Variants in PHF14 observed in about 807,000 individuals in gnomAD.
PHF14 encodes the protein PHD finger protein 14.
PHF14 carries 55 observed loss-of-function variants against 117.9 expected under a neutral mutation model. The ratio of observed to expected loss-of-function variants is 0.47; its 90% CI spans 0.38 to 0.58. The LOEUF is 0.58. Among genes scored for constraint, PHF14 ranks in the 20% least tolerant of loss-of-function variants. The pLI, the probability that PHF14 is intolerant of heterozygous loss-of-function variation, is 0.00. For missense variants in PHF14, 978 were observed against 1,122.2 expected (o/e 0.87, Z 1.84); for synonymous variants, 409 against 368.6 (o/e 1.11, Z -1.26).
At chr7:11,127,788 A>T (rs1002708590) in intron 17 of PHF14, among the ~76,000 whole-genome samples, 4 of 152,158 alleles carry the variant, frequency 2.6e-5, no homozygotes, top group African/African-American at 7.2e-5. Context: ...ATCAGTGCAT[A>T]TCTTTAAAAA....
chr7:10,989,354 A>G (rs1325130106), intron 3 of PHF14, among the ~76,000 whole-genome samples: 1 of 152,074 alleles, frequency 6.6e-6, no homozygotes, highest in African/African-American at 2.4e-5. Context: ...AATATAAAAA[A>G]TAATAAAACA....
intron 5 of PHF14, among the ~76,000 whole-genome samples, chr7:11,021,722 G>A (rs2128318406): frequency 6.6e-6 from 1 of 152,182 alleles, no homozygotes; most frequent in Non-Finnish European, 1.5e-5. Flanking sequence ...GAACTCCATA[G>A]GATGTATTTG....
At chr7:11,104,396 C>G in intron 16 of PHF14, 1 of 957,180 alleles carries the variant, frequency 1.0e-6, no homozygotes, top group Non-Finnish European at 1.2e-6. Flanking sequence ...CTAATAATCT[C>G]TTAAATGCTC....
At chr7:11,033,481 A>T (rs1251295427) in intron 7 of PHF14, among the ~76,000 whole-genome samples, 1 of 152,188 alleles carries the variant, frequency 6.6e-6, no homozygotes, top group Non-Finnish European at 1.5e-5. Context: ...TGGGCATTTC[A>T]TACAACTTAT....
At chr7:10,981,030 T>C (rs994171076) in intron 2 of PHF14, among the ~76,000 whole-genome samples, 14 of 152,170 alleles carry the variant, frequency 9.2e-5, no homozygotes, top group African/African-American at 3.4e-4. Context: ...TCAGTCAGTA[T>C]CTGTTAAATG....
At chr7:11,067,930 T>A (rs1396081324) in intron 16 of PHF14, among the ~76,000 whole-genome samples, 4 of 152,154 alleles carry the variant, frequency 2.6e-5, no homozygotes, top group Non-Finnish European at 5.9e-5. Flanking sequence ...GGATTCATCT[T>A]CATGACGTAA....
At chr7:11,076,878 GT>G (rs111330414) in intron 16 of PHF14, among the ~76,000 whole-genome samples, 11,857 of 135,200 alleles carry the variant, frequency 0.088, 472 homozygotes, top group African/African-American at 0.1. Context: ...TTCAAATATG[GT>G]TTTTTTTTTT....
intron 17 of PHF14, among the ~76,000 whole-genome samples, chr7:11,139,749 G>A (rs1788346787): frequency 2.0e-5 from 3 of 152,096 alleles, no homozygotes; most frequent in Admixed American, 1.3e-4. Flanking sequence ...GAAAATATAA[G>A]ACAGATAACT....
In PHF14 at chr7:11,022,948, C is replaced by T. The variant is rs1054158277; in HGVS notation, c.1286C>T (p.Thr429Met). The T allele has an allele frequency of 1.2e-6, 2 of 1,605,678 alleles. No individual in the cohort carries two copies. Among genetic ancestry groups the T allele is most frequent in the Admixed American group, 1.7e-5 (1 of 59,604 alleles). The change falls in exon 6 of 18, where the codon ACG (threonine) becomes ATG (methionine). Residue 429 changes from threonine to methionine, a missense_variant. This residue lies in a region of PHF14 where 86 missense variants were observed against 137.8 expected (regional missense o/e 0.62). Coordinates refer to ENST00000634607, the MANE Select transcript of PHF14 (RefSeq NM_001007157.2). ...GACAAATTACGACCAGTAACACTAACGGAAATGAACTATTCCAAATATGGT... is the reference window on the plus strand; with the variant it reads ...GACAAATTACGACCAGTAACACTAATGGAAATGAACTATTCCAAATATGGT... ...DIDKLRPVTL[T>M]EMNYSKYGAK...
chr7:11,090,335 A>T (rs1786595485), intron 16 of PHF14, among the ~76,000 whole-genome samples: 1 of 152,224 alleles, frequency 6.6e-6, no homozygotes, highest in Non-Finnish European at 1.5e-5. Flanking sequence ...CTACACAAGG[A>T]AGACAGGCCT....
intron 16 of PHF14, among the ~76,000 whole-genome samples, chr7:11,083,042 CCTCT>C (rs2128336737): frequency 6.6e-6 from 1 of 152,280 alleles, no homozygotes; most frequent in Admixed American, 6.5e-5. Flanking sequence ...CCCCCTCTCC[CCTCT>C]CTCCCTTATG....
intron 12 of PHF14, among the ~76,000 whole-genome samples, chr7:11,042,440 G>A (rs1009341649): frequency 1.3e-5 from 2 of 151,892 alleles, no homozygotes; most frequent in Non-Finnish European, 2.9e-5. Flanking sequence ...TAGAAGGTTT[G>A]ACTCTAGTAG....
chr7:11,023,698 C>T (rs771375171), intron 6 of PHF14, among the ~76,000 whole-genome samples: 11 of 152,188 alleles, frequency 7.2e-5, no homozygotes, highest in African/African-American at 1.7e-4. Flanking sequence ...CGTGGTGGCG[C>T]GTGCCTGTAA....
intron 17 of PHF14, among the ~76,000 whole-genome samples, chr7:11,113,262 A>G (rs1369819304): frequency 6.6e-6 from 1 of 152,130 alleles, no homozygotes; most frequent in African/African-American, 2.4e-5. Flanking sequence ...TTGAAAAGGC[A>G]AGGGGGCATA....
intron 3 of PHF14, among the ~76,000 whole-genome samples, chr7:10,990,190 A>G (rs557086974): frequency 1.3e-5 from 2 of 152,214 alleles, no homozygotes; most frequent in South Asian, 4.1e-4. Flanking sequence ...TAAGTGTGCC[A>G]TCACATACAT....
chr7:10,995,421 T>A (rs1320891388), intron 4 of PHF14, among the ~76,000 whole-genome samples: 1 of 152,198 alleles, frequency 6.6e-6, no homozygotes, highest in East Asian at 1.9e-4. Flanking sequence ...ATTGGTGTAT[T>A]TACAATCCCT....
intron 17 of PHF14, among the ~76,000 whole-genome samples, chr7:11,139,451 T>C (rs1004923113): frequency 1.3e-5 from 2 of 152,198 alleles, no homozygotes; most frequent in African/African-American, 4.8e-5. Context: ...ACTTTACATA[T>C]TGACCTATGC....
At chr7:11,150,287 G>C (rs1327004283) in intron 17 of PHF14, among the ~76,000 whole-genome samples, 1 of 152,132 alleles carries the variant, frequency 6.6e-6, no homozygotes, top group East Asian at 1.9e-4. Flanking sequence ...TTATTGTTGT[G>C]CAGGAAACAT....
intron 4 of PHF14, among the ~76,000 whole-genome samples, chr7:10,992,487 A>T (rs1782496491): frequency 6.7e-6 from 1 of 148,452 alleles, no homozygotes; most frequent in African/African-American, 2.5e-5. Flanking sequence ...ACATGGCGAA[A>T]CCCCATCTCT....
Sources: gnomAD v4.1 joint callset for allele counts (sites outside exome capture counted in the v4.1 genomes callset) on GRCh38, gnomAD v4.1.1 for gene constraint, gnomAD v4.1.1 regional missense constraint, MANE v1.5 for transcripts, NCBI Gene and HGNC (gene_info 2026-07-23, HGNC 2026-07-21) for gene names.